Variants in TRPM3 observed in about 807,000 individuals in gnomAD.
TRPM3 encodes transient receptor potential cation channel subfamily M member 3.
TRPM3 carries 77 observed loss-of-function variants against 181.2 expected under a neutral mutation model. The ratio of observed to expected loss-of-function variants is 0.42; its 90% confidence interval spans 0.35 to 0.51. TRPM3 has a LOEUF of 0.51. TRPM3 is among the 20% of genes least tolerant of loss of function. The pLI is 0.01. For missense variants in TRPM3, 1,759 were observed against 2,196.7 expected, an observed-to-expected ratio of 0.80 and a Z score of 3.98; for synonymous variants, 745 against 796.4, an observed-to-expected ratio of 0.94 and a Z score of 1.09.
Position 71,155,218 on chromosome 9 carries a change from T to A in TRPM3, c.184-290707A>T, listed in dbSNP as rs1418098235. ...GGGAGAGCTGGCTTAGCAGATGAAC[T>A]TAAACAAATAAACTGAACAAAAGTC... On this transcript the variant is annotated intron_variant, in intron 1 of 24. Coordinates refer to the TRPM3 transcript ENST00000357533. Among the ~76,000 whole-genome samples, 3 of 152,166 alleles carry A rather than the reference T, an allele frequency of 2.0e-5. No homozygotes were observed. The East Asian group carries it at 5.8e-4, about 29-fold the overall frequency.
chr9:70,571,703 ATTAG>A (rs1357492018), intron 22 of TRPM3, among the ~76,000 whole-genome samples: 3 of 152,142 alleles, frequency 2.0e-5, no homozygotes, highest in African/African-American at 4.8e-5. Context: ...TGGGGATTAA[ATTAG>A]TTAGTATTAT....
chr9:70,620,476 A>T, intron 15 of TRPM3, 111 bp from the exon 16 acceptor site: 1 of 1,218,324 alleles, frequency 8.2e-7, no homozygotes, highest in Non-Finnish European at 1.2e-6. Flanking sequence ...TACTGAAATG[A>T]ACGAGGCCAG....
chr9:71,102,136 C>G (rs2068512835), intron 1 of TRPM3, among the ~76,000 whole-genome samples: 1 of 152,158 alleles, frequency 6.6e-6, no homozygotes, highest in African/African-American at 2.4e-5. Context: ...TCACTATTAC[C>G]TTGGTAGAAA....
chr9:70,760,672 T>TG (rs1283645849), intron 8 of TRPM3: 2 of 151,724 alleles, frequency 1.3e-5, no homozygotes, highest in African/African-American at 4.8e-5. Context: ...ATTCCTTTTT[T>TG]TTTTTTTTCT....
chr9:70,822,759 T>TTGTGTGTGTG (rs113090222), intron 6 of TRPM3, among the ~76,000 whole-genome samples: 2,918 of 147,186 alleles, frequency 0.02, 86 homozygotes, highest in African/African-American at 0.063. Context: ...AAGATTTGTC[T>TTGTGTGTGTG]TGTGTGTGTG....
intron 8 of TRPM3, among the ~76,000 whole-genome samples, chr9:70,750,261 A>G (rs1412922997): frequency 1.3e-5 from 2 of 152,328 alleles, no homozygotes; most frequent in South Asian, 2.1e-4. Context: ...GAAAGAAAGT[A>G]TGGGAGTTTG....
intron 1 of TRPM3, among the ~76,000 whole-genome samples, chr9:70,909,603 A>C (rs1415671123): frequency 6.6e-6 from 1 of 152,158 alleles, no homozygotes; most frequent in Non-Finnish European, 1.5e-5. Flanking sequence ...AGAAGGAATT[A>C]GTTAACTGGG....
chr9:71,196,779 C>A (rs73647967), intron 1 of TRPM3, among the ~76,000 whole-genome samples: 2 of 151,944 alleles, frequency 1.3e-5, no homozygotes, highest in Non-Finnish European at 2.9e-5. Context: ...GATATGAACA[C>A]GATTTTGAGC....
intron 1 of TRPM3, among the ~76,000 whole-genome samples, chr9:70,893,882 C>A (rs180719174): frequency 1.7e-4 from 26 of 152,204 alleles, no homozygotes; most frequent in Admixed American, 3.9e-4. Context: ...ACATTCTAAG[C>A]CTCTCAGTTA....
intron 1 of TRPM3, among the ~76,000 whole-genome samples, chr9:71,099,980 T>C (rs1201905100): frequency 1.3e-5 from 2 of 152,156 alleles, no homozygotes; most frequent in Admixed American, 6.6e-5. Context: ...GACAGTGTGC[T>C]GTAGTCTCTT....
intron 1 of TRPM3, among the ~76,000 whole-genome samples, chr9:71,256,641 A>G (rs1404290369): frequency 6.6e-6 from 1 of 152,124 alleles, no homozygotes; most frequent in Admixed American, 6.6e-5. Flanking sequence ...TGGATTTCAG[A>G]TAGGGAGGAA....
chr9:71,080,214 A>AATAAATAAAATAG (rs2064078816), intron 1 of TRPM3, among the ~76,000 whole-genome samples: 1 of 151,678 alleles, frequency 6.6e-6, no homozygotes, highest in African/African-American at 2.4e-5. Flanking sequence ...AAATAAAATA[A>AATAAATAAAATAG]AAAGGGAGAC....
Position 70,843,137 on chromosome 9 carries a change from A to T in TRPM3, c.677-10T>A. On this transcript the variant is annotated splice_polypyrimidine_tract_variant and intron_variant, in intron 4 of 25. Coordinates refer to ENST00000677713, the MANE Select transcript of TRPM3 (RefSeq NM_001366145.2). ...ACATGACGAATAACACCTAAAAAAA[A>T]AAGAGAAGCATTGATTTTTTCTTTT... The T allele has an allele frequency of 1.3e-6, 2 of 1,595,996 alleles. No individual in the cohort carries two copies. The highest frequency in any genetic ancestry group is 8.5e-7 in the Non-Finnish European group (1 of 1,175,382).
chr9:71,110,659 T>A (rs2070871432), intron 1 of TRPM3, among the ~76,000 whole-genome samples: 1 of 152,180 alleles, frequency 6.6e-6, no homozygotes, highest in Admixed American at 6.6e-5. Flanking sequence ...ATTTTATAGA[T>A]GAGAAAGCTG....
chr9:71,279,017 A>G (rs1473710834), intron 1 of TRPM3, among the ~76,000 whole-genome samples: 1 of 141,120 alleles, frequency 7.1e-6, no homozygotes, highest in Non-Finnish European at 1.5e-5. Flanking sequence ...CTCCTCACCA[A>G]ACTTATCCTG....
chr9:71,446,041 A>G (rs1287753444), intron 1 of TRPM3, among the ~76,000 whole-genome samples: 1 of 152,250 alleles, frequency 6.6e-6, no homozygotes, highest in Non-Finnish European at 1.5e-5. Flanking sequence ...TATTGCACTA[A>G]TTAGACAGTG....
chr9:70,946,300 A>G (rs1477518685), intron 1 of TRPM3, among the ~76,000 whole-genome samples: 1 of 152,016 alleles, frequency 6.6e-6, no homozygotes, highest in East Asian at 1.9e-4. Flanking sequence ...GTTTTTAAGG[A>G]AGCAGCATGT....
chr9:70,696,069 A>G (rs2070301434), intron 8 of TRPM3, among the ~76,000 whole-genome samples: 1 of 152,202 alleles, frequency 6.6e-6, no homozygotes, highest in African/African-American at 2.4e-5. Context: ...CTCTGCTGTT[A>G]CTTGGACAAT....
intron 1 of TRPM3, among the ~76,000 whole-genome samples, chr9:71,420,977 G>GGGAGAGAAAAAGGGAGAGAAAA (rs1563912394): frequency 1.9e-4 from 24 of 123,972 alleles, no homozygotes; most frequent in East Asian, 1.7e-3. Flanking sequence ...GAGAGAAAAA[G>GGGAGAGAAAAAGGGAGAGAAAA]AGAGAGAAAA....
Sources: gnomAD v4.1 joint callset for allele counts (sites outside exome capture counted in the v4.1 genomes callset) on GRCh38, gnomAD v4.1.1 for gene constraint, MANE v1.5 for transcripts, NCBI Gene and HGNC (gene_info 2026-07-23, HGNC 2026-07-21) for gene names.